The following STRIP1 variants were observed in gnomAD, a reference collection of about 807,000 sequenced individuals.
The protein encoded by STRIP1 is striatin interacting protein 1, also known as striatin-interacting protein 1.
A neutral mutation model predicts 106.2 loss-of-function variants in STRIP1; 63 were observed. The ratio of observed to expected loss-of-function variants is 0.59; its 90% CI spans 0.48 to 0.73. The LOEUF is 0.73. Among genes scored for constraint, STRIP1 ranks in the 30% least tolerant of loss-of-function variants. The pLI is 0.00. For missense variants in STRIP1, 857 were observed against 1,074.8 expected (o/e 0.80, Z 2.83); for synonymous variants, 390 against 413.0 (o/e 0.94, Z 0.67).
chr1:110,034,736 C>G lies in STRIP1; in HGVS notation c.99C>G (p.Pro33=). The G allele has an allele frequency of 6.8e-7, 1 of 1,475,870 alleles. No individual in the cohort carries two copies. Among genetic ancestry groups the G allele is most frequent in the South Asian group, 1.3e-5 (1 of 74,708 alleles). 91.4% of individuals were successfully genotyped at this position (1,475,870 alleles called of 1,614,324 possible). ...PPPPAAAQPP[P]GAPRAAAGLL... ...CGCCGGCAGCCGCACAGCCACCACC[C>G]GGGGCACCGCGGGCCGCCGCGGGCC... Residue 33 remains proline (P), a synonymous_variant, in exon 1 of 21, where the codon CCC becomes CCG. Transcript: ENST00000369795.
intron 14 of STRIP1, 22 bp downstream of exon 14, chr1:110,047,638 A>C: frequency 6.3e-7 from 1 of 1,598,336 alleles, no homozygotes; most frequent in Non-Finnish European, 8.5e-7. Flanking sequence ...CTGCAGTGGG[A>C]CACTCCCACT....
In STRIP1 at chr1:110,044,896, C is replaced by T. The variant is rs1652943165; in HGVS notation, c.1343C>T (p.Thr448Ile). The T allele has an allele frequency of 1.2e-6, 2 of 1,614,092 alleles. No homozygotes were observed. The highest frequency in any genetic ancestry group is 1.6e-4 in the Middle Eastern group (1 of 6,084). ...AGCCGCAGCAAATTTATAGGTTACA[C>T]TCTAGGCAGGTGAGTAAAAGCCGAG... The part of the protein sequence containing the change: ...ESSRSKFIGY[T>I]LGSDTNTVVG... Residue 448 changes from threonine to isoleucine, a missense_variant, in exon 11 of 21, where the codon ACT (threonine) becomes ATT (isoleucine). By Grantham distance (89) the Thr-to-Ile change is moderately conservative. Coordinates refer to ENST00000369795, the MANE Select transcript of STRIP1 (RefSeq NM_033088.4).
chr1:110,033,527 A>T (rs956706498), upstream of STRIP1, among the ~76,000 whole-genome samples: 4 of 152,204 alleles, frequency 2.6e-5, no homozygotes, highest in Admixed American at 6.5e-5. Context: ...GAGGGGTTGC[A>T]TTTGGTGAGG....
At chr1:110,039,118 T>C (rs1652632753) in intron 3 of STRIP1, 54 bp from the exon 4 acceptor site, 1 of 1,605,710 alleles carries the variant, frequency 6.2e-7, no homozygotes, top group Non-Finnish European at 8.5e-7. Context: ...CATGGGTCCA[T>C]GCCATTGTGA....
chr1:110,051,122 C>A, intron 19 of STRIP1, 62 bp downstream of exon 19: 1 of 1,114,520 alleles, frequency 9.0e-7, no homozygotes. Flanking sequence ...GTGCTGGGAG[C>A]AGGGAGTCCC....
chr1:110,035,951 T>A (rs538529145), intron 1 of STRIP1, among the ~76,000 whole-genome samples: 10 of 152,354 alleles, frequency 6.6e-5, no homozygotes, highest in Admixed American at 5.2e-4. Flanking sequence ...ACTGACCATT[T>A]AGGAGCCCTG....
intron 1 of STRIP1, 56 bp from the exon 2 acceptor site, chr1:110,037,835 T>C: frequency 1.6e-6 from 2 of 1,240,118 alleles, no homozygotes; most frequent in Non-Finnish European, 2.4e-6. Context: ...GAAGCATGAG[T>C]TTCTTTGATA....
Position 110,047,884 on chromosome 1 carries a change from G to C in STRIP1, c.1661+15G>C, listed in dbSNP as rs1234086505. The C allele has an allele frequency of 1.3e-6, 2 of 1,543,336 alleles. No individual in the cohort carries two copies. Among genetic ancestry groups the C allele is most frequent in the Admixed American group, 3.9e-5 (2 of 51,142 alleles). ...GAGGAGATGCCGTGAGTATCATTCT[G>C]TGAATGAAGCAGGTGGGGCAGAAGA... On this transcript the variant is annotated intron_variant, in intron 15 of 20. Coordinates refer to ENST00000369795, the MANE Select transcript of STRIP1 (RefSeq NM_033088.4).
chr1:110,044,474 G>A (rs749668485), intron 10 of STRIP1, among the ~76,000 whole-genome samples: 1 of 152,194 alleles, frequency 6.6e-6, no homozygotes, highest in Non-Finnish European at 1.5e-5. Context: ...GGAAAAGTGA[G>A]CTATATGAAA....
chr1:110,047,696 C>G (rs41281350), intron 14 of STRIP1, 76 bp from the exon 15 acceptor site: 39,900 of 1,537,612 alleles, frequency 0.026, 600 homozygotes, highest in Non-Finnish European at 0.03. Context: ...ACCTGCAGAC[C>G]AACAGGAGGA....
rs1284066352 is a variant in STRIP1 at position 110,038,076 on chromosome 1, A to ATATGTG, written c.250+119_250+120insGTGTAT. 18 of 33,400 alleles carry ATATGTG rather than the reference A, an allele frequency of 5.4e-4. No homozygotes were observed. In the East Asian group the frequency reaches 7.6e-3, roughly 14 times the overall value. The allele number at this position is 33,400 out of a possible 1,614,324, so 2.1% of individuals were successfully genotyped here. A position where few individuals can be genotyped will look rare whatever the true frequency, so the allele number is the denominator to read the frequency against. ...TGCTTTCCCTAGTTCTATCAAATAT[A>ATATGTG]TATATATATATATATATATATATAT... On this transcript the variant is annotated intron_variant, in intron 2 of 20. Coordinates refer to ENST00000369795, the MANE Select transcript of STRIP1 (RefSeq NM_033088.4).
intron 2 of STRIP1, 32 bp from the exon 3 acceptor site, chr1:110,038,651 G>C (rs752768791): frequency 6.3e-7 from 1 of 1,598,172 alleles, no homozygotes; most frequent in Non-Finnish European, 8.6e-7. Flanking sequence ...TGCAGACATG[G>C]AACCAATGGT....
intron 9 of STRIP1, 133 bp from the exon 10 acceptor site, chr1:110,043,506 T>G: frequency 4.4e-6 from 4 of 915,876 alleles, no homozygotes; most frequent in Non-Finnish European, 6.9e-6. Flanking sequence ...GGCCCCCGTC[T>G]TGACTCCCAC....
intron 6 of STRIP1, 162 bp from the exon 7 acceptor site, chr1:110,041,374 C>A: frequency 1.7e-6 from 1 of 590,188 alleles, no homozygotes; most frequent in Admixed American, 3.0e-5. Flanking sequence ...TTTCAGGAAG[C>A]TTAGGGTGGT....
intron 16 of STRIP1, 34 bp from the exon 17 acceptor site, chr1:110,049,426 C>CTTTT (rs529172763): frequency 3.2e-5 from 42 of 1,320,368 alleles, no homozygotes; most frequent in South Asian, 9.4e-5. Flanking sequence ...AGGGCCGCGC[C>CTTTT]TTTTTTTTTT....
intron 1 of STRIP1, among the ~76,000 whole-genome samples, chr1:110,037,560 A>G (rs888441999): frequency 6.6e-6 from 1 of 152,252 alleles, no homozygotes; most frequent in Non-Finnish European, 1.5e-5. Flanking sequence ...ATATGTGTGT[A>G]TAGACCATTC....
chr1:110,035,561 T>G (rs967518490), intron 1 of STRIP1, among the ~76,000 whole-genome samples: 3 of 152,176 alleles, frequency 2.0e-5, no homozygotes, highest in African/African-American at 7.2e-5. Flanking sequence ...TGGAACTGAC[T>G]AGTAACCTCA....
intron 2 of STRIP1, 49 bp downstream of exon 2, chr1:110,038,009 G>A: frequency 8.3e-7 from 1 of 1,201,134 alleles, no homozygotes; most frequent in Non-Finnish European, 1.2e-6. Context: ...TTCCTTATTG[G>A]TCTTTAATAA....
chr1:110,049,468 C>G lies in STRIP1; in HGVS notation c.1797C>G (p.Tyr599Ter). Reference protein sequence around the residue: ...FKLNHVYQFEYMAQHLVFANC... With the variant: ...FKLNHVYQFE ...TTTCCTGTTGGCTTCAGTTTGAATA[C>G]ATGGCCCAGCACCTGGTGTTTGCCA... Residue 599 changes from tyrosine (Y) to a stop codon, truncating the protein, a stop_gained, in exon 17 of 21, where the codon TAC becomes TAG. Coordinates refer to ENST00000369795, the MANE Select transcript of STRIP1 (RefSeq NM_033088.4). LOFTEE classifies it high-confidence loss of function. 3 of 1,362,478 alleles carry G rather than the reference C, an allele frequency of 2.2e-6. No homozygotes were observed. Among genetic ancestry groups the G allele is most frequent in the Non-Finnish European group, 3.1e-6 (3 of 966,256 alleles). The allele number at this position is 1,362,478 out of a possible 1,614,324, so 84.4% of individuals were successfully genotyped here.
Sources: gnomAD v4.1 joint callset for allele counts (sites outside exome capture counted in the v4.1 genomes callset) on GRCh38, gnomAD v4.1.1 for gene constraint, MANE v1.5 for transcripts, NCBI Gene and HGNC (gene_info 2026-07-23, HGNC 2026-07-21) for gene names.